Variants in LINGO2 observed in about 807,000 individuals in gnomAD.
LINGO2 encodes leucine-rich repeat and immunoglobulin-like domain-containing nogo receptor-interacting protein 2.
LINGO2 carries 14 observed loss-of-function variants against 30.6 expected under a neutral mutation model. That is an observed-to-expected ratio of 0.46 (90% CI 0.30 to 0.72). LINGO2 has a LOEUF of 0.72. LINGO2 is among the 30% of genes least tolerant of loss of function. The pLI is 0.07. For missense variants in LINGO2, 729 were observed against 751.7 expected, an observed-to-expected ratio of 0.97 and a Z score of 0.35; for synonymous variants, 317 against 288.5, an observed-to-expected ratio of 1.10 and a Z score of -1.00.
chr9:28,005,398 C>G (rs1822212374), intron 5 of LINGO2, among the ~76,000 whole-genome samples: 1 of 152,188 alleles, frequency 6.6e-6, no homozygotes, highest in African/African-American at 2.4e-5. Flanking sequence ...ACAAATGAGA[C>G]AGGATTAAAA....
chr9:28,606,802 T>C (rs932532714), intron 1 of LINGO2, among the ~76,000 whole-genome samples: 4 of 152,214 alleles, frequency 2.6e-5, no homozygotes, highest in South Asian at 4.1e-4. Flanking sequence ...TTATGTAAAA[T>C]TGAATCATAA....
chr9:28,357,679 A>C (rs1358516123), intron 3 of LINGO2, among the ~76,000 whole-genome samples: 2 of 152,150 alleles, frequency 1.3e-5, no homozygotes, highest in African/African-American at 4.8e-5. Flanking sequence ...TGATATTTCA[A>C]CTAATAATGA....
intron 1 of LINGO2, among the ~76,000 whole-genome samples, chr9:28,616,408 G>A (rs1234490100): frequency 6.6e-6 from 1 of 152,112 alleles, no homozygotes; most frequent in Non-Finnish European, 1.5e-5. Flanking sequence ...ACCCACATCA[G>A]CTGCTTTCAA....
chr9:28,334,220 TC>T (rs1825515275), intron 3 of LINGO2, among the ~76,000 whole-genome samples: 1 of 152,118 alleles, frequency 6.6e-6, no homozygotes, highest in Non-Finnish European at 1.5e-5. Context: ...GAGCTTTCAA[TC>T]TTATAAGCAA....
chr9:28,214,680 C>A (rs1407732076), intron 4 of LINGO2, among the ~76,000 whole-genome samples: 1 of 151,488 alleles, frequency 6.6e-6, no homozygotes, highest in African/African-American at 2.4e-5. Context: ...ACTAATGTAG[C>A]TATTTTATAT....
chr9:28,771,898 T>C, the LINGO2 span, among the ~76,000 whole-genome samples: 3,305 of 152,220 alleles, frequency 0.022, 121 homozygotes, highest in African/African-American at 0.074. Context: ...TTTTAACATA[T>C]CACAGCATTT....
chr9:28,819,228 C>T, the LINGO2 span, among the ~76,000 whole-genome samples: 1 of 152,130 alleles, frequency 6.6e-6, no homozygotes, highest in African/African-American at 2.4e-5. Context: ...AACCTCCTCG[C>T]TCTTGCTCTT....
chr9:28,916,821 T>C, the LINGO2 span, among the ~76,000 whole-genome samples: 1 of 152,356 alleles, frequency 6.6e-6, no homozygotes, highest in South Asian at 2.1e-4. Flanking sequence ...GTTTACAGGT[T>C]CCATTTTAAA....
intron 4 of LINGO2, among the ~76,000 whole-genome samples, chr9:28,104,870 GA>G (rs762726905): frequency 1.3e-5 from 2 of 151,900 alleles, no homozygotes; most frequent in Non-Finnish European, 2.9e-5. Flanking sequence ...TACAGTATGG[GA>G]AAAATATAAG....
the LINGO2 span, among the ~76,000 whole-genome samples, chr9:28,763,671 CAATGA>C: frequency 6.6e-6 from 1 of 150,662 alleles, no homozygotes; most frequent in Admixed American, 6.6e-5. Context: ...AAAAGAAAGA[CAATGA>C]AGAGTAGGGC....
At chr9:27,949,534 G>C (rs1295943546) in exon 6 of LINGO2, 1 of 1,613,962 alleles carries the variant, frequency 6.2e-7, no homozygotes, top group Non-Finnish European at 8.5e-7. Flanking sequence ...GCACACATAG[G>C]TTGCTGGCCA....
chr9:28,963,304 A>C, the LINGO2 span, among the ~76,000 whole-genome samples: 1 of 151,928 alleles, frequency 6.6e-6, no homozygotes, highest in Non-Finnish European at 1.5e-5. Flanking sequence ...TATATAGCTA[A>C]TGGCTATCTA....
intron 1 of LINGO2, among the ~76,000 whole-genome samples, chr9:28,490,268 A>G (rs756266494): frequency 6.6e-5 from 10 of 152,164 alleles, no homozygotes; most frequent in Non-Finnish European, 1.5e-4. Flanking sequence ...AAGAAAATAT[A>G]CTGAGGCTTA....
intron 1 of LINGO2, among the ~76,000 whole-genome samples, chr9:28,663,830 T>C (rs1828682054): frequency 6.6e-6 from 1 of 151,884 alleles, no homozygotes; most frequent in Non-Finnish European, 1.5e-5. Flanking sequence ...GCTGAAAAAA[T>C]GCATAAGGAT....
chr9:28,256,003 T>G (rs1057497932), intron 4 of LINGO2, among the ~76,000 whole-genome samples: 1 of 152,066 alleles, frequency 6.6e-6, no homozygotes, highest in Non-Finnish European at 1.5e-5. Flanking sequence ...CAAAACATCA[T>G]GTACATGTCC....
chr9:29,069,863 T>C, the LINGO2 span, among the ~76,000 whole-genome samples: 1 of 152,040 alleles, frequency 6.6e-6, no homozygotes, highest in Non-Finnish European at 1.5e-5. Context: ...GGACTATAAA[T>C]CAATGAACAT....
At chr9:28,555,439 TA>T (rs1822603780) in intron 1 of LINGO2, among the ~76,000 whole-genome samples, 1 of 151,414 alleles carries the variant, frequency 6.6e-6, no homozygotes, top group Admixed American at 6.6e-5. Flanking sequence ...CTCCCAAGAC[TA>T]AACCAGGAAG....
chr9:28,889,135 A>T, the LINGO2 span, among the ~76,000 whole-genome samples: 2 of 152,170 alleles, frequency 1.3e-5, no homozygotes, highest in Non-Finnish European at 2.9e-5. Context: ...TATGTATTCA[A>T]TAAATATTGA....
intron 1 of LINGO2, among the ~76,000 whole-genome samples, chr9:28,583,181 T>C (rs1364440321): frequency 4.6e-5 from 7 of 151,974 alleles, no homozygotes; most frequent in African/African-American, 1.7e-4. Context: ...TGATTAATAT[T>C]AAAACTCAGA....
Sources: gnomAD v4.1 joint callset for allele counts (sites outside exome capture counted in the v4.1 genomes callset) on GRCh38, gnomAD v4.1.1 for gene constraint, MANE v1.5 for transcripts, NCBI Gene and HGNC (gene_info 2026-07-23, HGNC 2026-07-21) for gene names.